WDFY4: variants seen among roughly 807,000 people sequenced by gnomAD.
The protein encoded by WDFY4 is WD repeat- and FYVE domain-containing protein 4.
A neutral mutation model predicts 351.9 loss-of-function variants in WDFY4; 169 were observed. The observed-to-expected ratio is 0.48, with a 90% CI of 0.42 to 0.55. The LOEUF (loss-of-function observed/expected upper bound fraction) is 0.55, where lower values mean the gene tolerates loss of function less well. WDFY4 is among the 20% of genes least tolerant of loss of function. The pLI, the probability that WDFY4 is intolerant of heterozygous loss-of-function variation, is 0.00. For missense variants in WDFY4, 3,803 were observed against 3,935.6 expected (o/e 0.97, Z 0.90); for synonymous variants, 1,622 against 1,574.6 (o/e 1.03, Z -0.71).
chr10:48,839,975 C>G (rs2068540294), intron 39 of WDFY4, among the ~76,000 whole-genome samples: 1 of 152,190 alleles, frequency 6.6e-6, no homozygotes, highest in Non-Finnish European at 1.5e-5. Context: ...ATAACTGACC[C>G]TAAAAATAAT....
intron 2 of WDFY4, among the ~76,000 whole-genome samples, chr10:48,715,552 T>C (rs1662538850): frequency 6.6e-6 from 1 of 152,224 alleles, no homozygotes. Context: ...AAAAACCAAG[T>C]GTGGATCTAA....
At chr10:48,929,177 G>C (rs1235125974) in intron 47 of WDFY4, among the ~76,000 whole-genome samples, 2 of 152,060 alleles carry the variant, frequency 1.3e-5, no homozygotes, top group African/African-American at 2.4e-5. Context: ...GAAACATCAA[G>C]TGGAAAAGTC....
intron 39 of WDFY4, among the ~76,000 whole-genome samples, chr10:48,841,138 GT>G (rs2068590202): frequency 6.6e-6 from 1 of 152,196 alleles, no homozygotes; most frequent in Non-Finnish European, 1.5e-5. Flanking sequence ...GAGCAACACA[GT>G]TTTTGTTTGT....
At chr10:48,710,578 A>G (rs1215712643) in intron 2 of WDFY4, among the ~76,000 whole-genome samples, 1 of 152,224 alleles carries the variant, frequency 6.6e-6, no homozygotes, top group East Asian at 1.9e-4. Context: ...GGGAGCTAGA[A>G]ATAAGACCAG....
At chr10:48,954,408 A>G (rs1460851347) in intron 51 of WDFY4, among the ~76,000 whole-genome samples, 1 of 152,242 alleles carries the variant, frequency 6.6e-6, no homozygotes, top group Non-Finnish European at 1.5e-5. Flanking sequence ...GTTGCAGAAC[A>G]GATTCCAGAG....
At chr10:48,974,362 G>A (rs1365433074) in intron 57 of WDFY4, among the ~76,000 whole-genome samples, 6 of 151,894 alleles carry the variant, frequency 4.0e-5, no homozygotes, top group African/African-American at 9.7e-5. Flanking sequence ...ACATTCGCCA[G>A]GCATGGTGGC....
chr10:48,776,736 G>C lies in WDFY4; in HGVS notation c.2864-14G>C, dbSNP rs2066044265. ...TGAGCAGAGACACATCTCTTCTCTTGCTTGCTGCCCTAGGGTCACAGACTG... is the reference window on the plus strand; with the variant it reads ...TGAGCAGAGACACATCTCTTCTCTTCCTTGCTGCCCTAGGGTCACAGACTG... On this transcript the variant is annotated splice_polypyrimidine_tract_variant and intron_variant, in intron 15 of 61. Coordinates refer to ENST00000325239, the MANE Select transcript of WDFY4 (RefSeq NM_001394531.1). The C allele has an allele frequency of 6.6e-7, 1 of 1,511,852 alleles. No individual in the cohort carries two copies. Among genetic ancestry groups the C allele is most frequent in the South Asian group, 1.3e-5 (1 of 79,904 alleles). 93.7% of individuals were successfully genotyped at this position (1,511,852 alleles called of 1,614,324 possible). A position where few individuals can be genotyped will look rare whatever the true frequency, so the allele number is the denominator to read the frequency against.
intron 12 of WDFY4, among the ~76,000 whole-genome samples, chr10:48,748,048 G>A (rs949021360): frequency 6.6e-6 from 1 of 152,130 alleles, no homozygotes; most frequent in African/African-American, 2.4e-5. Flanking sequence ...TTCCCTCTCT[G>A]GGTTCCCTGT....
intron 10 of WDFY4, 25 bp downstream of exon 10, chr10:48,734,060 C>T: frequency 6.5e-7 from 1 of 1,541,048 alleles, no homozygotes; most frequent in Non-Finnish European, 8.8e-7. Context: ...AAGTTTGCCT[C>T]ATCACTGCTT....
At chr10:48,846,472 A>G (rs143277905) in intron 39 of WDFY4, among the ~76,000 whole-genome samples, 113 of 152,306 alleles carry the variant, frequency 7.4e-4, no homozygotes, top group Middle Eastern at 6.8e-3. Context: ...TTCCGTGCCC[A>G]TCTTGAAGGC....
At chr10:48,911,640 A>G (rs1838013171) in intron 47 of WDFY4, among the ~76,000 whole-genome samples, 1 of 152,234 alleles carries the variant, frequency 6.6e-6, no homozygotes, top group South Asian at 2.1e-4. Context: ...GACAGAAATG[A>G]CAGGAATGCT....
chr10:48,706,983 A>G (rs1490424535), intron 1 of WDFY4, among the ~76,000 whole-genome samples: 1 of 152,186 alleles, frequency 6.6e-6, no homozygotes, highest in East Asian at 1.9e-4. Context: ...AAAGTTATGG[A>G]CTAATTTATT....
chr10:48,870,773 G>C (rs1196482815), intron 40 of WDFY4, among the ~76,000 whole-genome samples: 3 of 152,086 alleles, frequency 2.0e-5, no homozygotes, highest in Non-Finnish European at 2.9e-5. Flanking sequence ...CCTCTGCCCT[G>C]GGCCACCTGT....
intron 9 of WDFY4, among the ~76,000 whole-genome samples, chr10:48,732,057 C>T (rs560686034): frequency 6.6e-6 from 1 of 152,304 alleles, no homozygotes; most frequent in South Asian, 2.1e-4. Context: ...GGGCTGCATA[C>T]CTGTGGCTCC....
In WDFY4 at chr10:48,796,351, T is replaced by C; in HGVS notation, c.4311T>C (p.Phe1437=). 6.4e-7 allele frequency: 1 copy of C among 1,552,412 alleles called. No individual in the cohort carries two copies. Among genetic ancestry groups the C allele is most frequent in the East Asian group, 2.4e-5 (1 of 40,924 alleles). ...KKASLLNHRI[F]QLILSVAGTV... ...CCTCTCTCCTGAACCATCGAATTTT[T>C]CAGCTGATCCTCTCAGTGGCTGGCA... is the stretch of plus-strand genomic sequence containing the variant. The change falls in exon 24 of 62, where the codon TTT becomes TTC. Residue 1437 remains phenylalanine, a synonymous_variant. Coordinates refer to ENST00000325239, the MANE Select transcript of WDFY4 (RefSeq NM_001394531.1).
rs2067656581 is a variant in WDFY4 at position 48,817,382 on chromosome 10, A to G, written c.5478A>G (p.Ile1826Met). Residue 1826 changes from isoleucine to methionine, a missense_variant, in exon 32 of 62, where the codon ATA becomes ATG. Coordinates refer to ENST00000325239, the MANE Select transcript of WDFY4 (RefSeq NM_001394531.1). ...RAPEFLQTLA[I>M]AAFPLGAQKG... ...CGGAGTTCCTCCAGACCTTGGCCAT[A>G]GCCGCCTTCCCCCTGGGAGCCCAAA... 5 of 1,551,132 alleles carry G rather than the reference A, an allele frequency of 3.2e-6. No homozygotes were observed. The highest frequency in any genetic ancestry group is 4.4e-6 in the Non-Finnish European group (5 of 1,146,658).
intron 47 of WDFY4, among the ~76,000 whole-genome samples, chr10:48,930,298 G>C (rs1210396472): frequency 6.6e-6 from 1 of 152,206 alleles, no homozygotes; most frequent in Non-Finnish European, 1.5e-5. Flanking sequence ...TTTTAAGGGA[G>C]AGGTCCCTCA....
Position 48,858,704 on chromosome 10 carries a change from GAC to G in WDFY4, c.6664-8558_6664-8557del, listed in dbSNP as rs534149115. Reference sequence around the variant, plus strand: ...AACTCTCCTAGTCCCTTTTCCAATTGACACCAGTTTTGGAAACTCGTCTGTAT... The same window carrying G: ...AACTCTCCTAGTCCCTTTTCCAATTGACCAGTTTTGGAAACTCGTCTGTAT... On this transcript the variant is annotated intron_variant, in intron 39 of 61. Transcript: ENST00000325239. 3.3e-3 allele frequency among the ~76,000 whole-genome samples: 508 copies of G among 152,174 alleles called. 3 individuals carry two copies. The highest frequency in any genetic ancestry group is 0.011 in the African/African-American group (474 of 41,520).
intron 39 of WDFY4, among the ~76,000 whole-genome samples, chr10:48,854,842 G>C (rs1339614080): frequency 5.9e-5 from 9 of 152,092 alleles, no homozygotes; most frequent in Admixed American, 5.9e-4. Context: ...TTATCTGAAG[G>C]CAGCTGCTTT....
Sources: allele counts gnomAD v4.1 joint callset (sites outside exome capture counted in the v4.1 genomes callset), GRCh38; gene constraint gnomAD v4.1.1; transcripts MANE v1.5; gene names NCBI Gene and HGNC (gene_info 2026-07-23, HGNC 2026-07-21).